Variants in FAM171A1 observed in about 807,000 individuals in gnomAD.
FAM171A1 encodes the protein protein FAM171A1.
Under a neutral mutation model 74.9 loss-of-function variants are expected in FAM171A1, and 23 were observed. The ratio of observed to expected loss-of-function variants is 0.31; its 90% CI spans 0.22 to 0.44. The LOEUF is 0.44. Among genes scored for constraint, FAM171A1 ranks in the 20% least tolerant of loss-of-function variants. The pLI is 1.00. For synonymous variants in FAM171A1, 527 were observed against 505.7 expected, an observed-to-expected ratio of 1.04 and a Z score of -0.57; for missense variants, 1,162 against 1,159.2, an observed-to-expected ratio of 1.00 and a Z score of -0.03.
chr10:15,302,790 T>C (rs1835248048), intron 1 of FAM171A1, among the ~76,000 whole-genome samples: 1 of 152,248 alleles, frequency 6.6e-6, no homozygotes, highest in Admixed American at 6.5e-5. Context: ...TGCATGTGTT[T>C]AGTGAAATAC....
intron 1 of FAM171A1, among the ~76,000 whole-genome samples, chr10:15,325,487 G>A (rs1021357731): frequency 1.3e-5 from 2 of 152,122 alleles, no homozygotes; most frequent in African/African-American, 2.4e-5. Flanking sequence ...CAGCTTGAGC[G>A]ACAGAGTGAT....
chr10:15,233,349 G>A (rs894819606), intron 5 of FAM171A1, among the ~76,000 whole-genome samples: 1 of 151,996 alleles, frequency 6.6e-6, no homozygotes, highest in Non-Finnish European at 1.5e-5. Context: ...AAGGATCTAA[G>A]TTGTGATCCC....
intron 5 of FAM171A1, 71 bp downstream of exon 5, chr10:15,248,568 T>A (rs1834463987): frequency 6.8e-7 from 1 of 1,478,402 alleles, no homozygotes; most frequent in Non-Finnish European, 9.1e-7. Context: ...TTCCATGAGC[T>A]TCTTAGAAGG....
At chr10:15,263,349 G>T (rs1302829714) in intron 3 of FAM171A1, among the ~76,000 whole-genome samples, 1 of 152,142 alleles carries the variant, frequency 6.6e-6, no homozygotes, top group Non-Finnish European at 1.5e-5. Flanking sequence ...TTAATTTATG[G>T]ATTTACTACC....
At chr10:15,247,148 A>C (rs1450499741) in intron 5 of FAM171A1, among the ~76,000 whole-genome samples, 1 of 152,262 alleles carries the variant, frequency 6.6e-6, no homozygotes, top group Non-Finnish European at 1.5e-5. Context: ...TTGATGAACC[A>C]AAGTGAAGTA....
chr10:15,286,211 A>T (rs752025875), intron 1 of FAM171A1, among the ~76,000 whole-genome samples: 42 of 152,262 alleles, frequency 2.8e-4, no homozygotes, highest in Middle Eastern at 6.8e-3. Flanking sequence ...CAGAGAGGAG[A>T]GTTAGAAAGA....
chr10:15,335,290 T>C (rs1259796017), intron 1 of FAM171A1, among the ~76,000 whole-genome samples: 4 of 151,942 alleles, frequency 2.6e-5, no homozygotes, highest in Admixed American at 2.0e-4. Context: ...CCCAAAAAAA[T>C]TCACAAAAAC....
chr10:15,347,708 C>T (rs1835832434), intron 1 of FAM171A1, among the ~76,000 whole-genome samples: 1 of 151,602 alleles, frequency 6.6e-6, no homozygotes, highest in Admixed American at 6.6e-5. Context: ...TGGTGGTGCG[C>T]ACCTGTAGTC....
At chr10:15,327,573 A>G (rs1479795929) in intron 1 of FAM171A1, among the ~76,000 whole-genome samples, 2 of 152,136 alleles carry the variant, frequency 1.3e-5, no homozygotes, top group African/African-American at 4.8e-5. Flanking sequence ...ATCACCTGAG[A>G]CCAGGAGGTC....
At chr10:15,370,065 A>G (rs1836116483) in intron 1 of FAM171A1, among the ~76,000 whole-genome samples, 1 of 150,972 alleles carries the variant, frequency 6.6e-6, no homozygotes, top group South Asian at 2.1e-4. Flanking sequence ...AGCAAGCCTC[A>G]GGGTGGGTGT....
chr10:15,315,975 C>T (rs2131842561), intron 1 of FAM171A1, among the ~76,000 whole-genome samples: 1 of 152,306 alleles, frequency 6.6e-6, no homozygotes, highest in South Asian at 2.1e-4. Flanking sequence ...ATATTTCCCC[C>T]AGGTGTGTTT....
intron 1 of FAM171A1, among the ~76,000 whole-genome samples, chr10:15,361,731 G>A (rs943972987): frequency 6.6e-5 from 10 of 152,090 alleles, no homozygotes; most frequent in Non-Finnish European, 1.5e-4. Flanking sequence ...ATGGATTGGG[G>A]ACAACTTTAA....
intron 3 of FAM171A1, among the ~76,000 whole-genome samples, chr10:15,265,167 T>A (rs1354169512): frequency 1.3e-5 from 2 of 152,170 alleles, no homozygotes; most frequent in Non-Finnish European, 2.9e-5. Context: ...TACCTGAATG[T>A]CTTACTCCTC....
At chr10:15,339,521 G>T (rs1440026713) in intron 1 of FAM171A1, among the ~76,000 whole-genome samples, 1 of 152,080 alleles carries the variant, frequency 6.6e-6, no homozygotes, top group East Asian at 1.9e-4. Context: ...TTTTGTTTAT[G>T]ATTTGACATC....
upstream of FAM171A1, among the ~76,000 whole-genome samples, chr10:15,373,088 G>T (rs181691495): frequency 6.6e-6 from 1 of 152,200 alleles, no homozygotes; most frequent in South Asian, 2.1e-4. Context: ...CACTTGCCCA[G>T]TTGGCTTATA....
intron 1 of FAM171A1, among the ~76,000 whole-genome samples, chr10:15,341,276 A>G (rs1384952187): frequency 6.6e-6 from 1 of 152,216 alleles, no homozygotes; most frequent in East Asian, 1.9e-4. Flanking sequence ...CTTAGCTTAC[A>G]AAAAGTCATA....
Position 15,214,200 on chromosome 10 carries a change from A to C in FAM171A1, c.1388T>G (p.Val463Gly), listed in dbSNP as rs1588490748. The change falls in exon 8 of 8, where the codon GTT becomes GGT. Residue 463 changes from valine to glycine, a missense_variant. Transcript: ENST00000378116. ...AGATTTTCTTGCCTTTAAGGGAAAA[A>C]CCTCCACTGACTTATGGTAGTCTTT... Reference protein sequence around the residue: ...LGKDYHKSVEVFPLKARKSME... With the variant: ...LGKDYHKSVEGFPLKARKSME... The C allele has an allele frequency of 6.2e-7, 1 of 1,613,780 alleles. No homozygotes were observed. The highest frequency in any genetic ancestry group is 8.5e-7 in the Non-Finnish European group (1 of 1,179,958).
At chr10:15,317,926 G>C (rs1258765022) in intron 1 of FAM171A1, among the ~76,000 whole-genome samples, 1 of 152,200 alleles carries the variant, frequency 6.6e-6, no homozygotes, top group East Asian at 1.9e-4. Flanking sequence ...GAGTAGCTGG[G>C]ACTACAGGCA....
chr10:15,262,578 T>G (rs1834671788), intron 3 of FAM171A1, among the ~76,000 whole-genome samples: 1 of 152,124 alleles, frequency 6.6e-6, no homozygotes, highest in South Asian at 2.1e-4. Context: ...CAAGAGGGAT[T>G]TCTAAGGAAT....
Sources: allele counts gnomAD v4.1 joint callset (sites outside exome capture counted in the v4.1 genomes callset), GRCh38; gene constraint gnomAD v4.1.1; transcripts MANE v1.5; gene names NCBI Gene and HGNC (gene_info 2026-07-23, HGNC 2026-07-21).